The following RNF213 variants were observed in gnomAD, a reference collection of about 807,000 sequenced individuals.
RNF213 encodes E3 ubiquitin-protein ligase RNF213.
Under a neutral mutation model 514.4 loss-of-function variants are expected in RNF213, and 341 were observed. That is an observed-to-expected ratio of 0.66 (90% confidence interval 0.61 to 0.73). RNF213 has a LOEUF of 0.73. Among genes scored for constraint, RNF213 ranks in the 30% least tolerant of loss-of-function variants. The pLI, the probability that RNF213 is intolerant of heterozygous loss-of-function variation, is 0.00. For missense variants in RNF213, 5,767 were observed against 6,615.6 expected, an observed-to-expected ratio of 0.87 and a Z score of 4.45; for synonymous variants, 2,655 against 2,658.2, an observed-to-expected ratio of 1.00 and a Z score of 0.04.
intron 39 of RNF213, 93 bp downstream of exon 39, chr17:80,361,981 G>A: frequency 6.9e-7 from 1 of 1,441,752 alleles, no homozygotes; most frequent in Non-Finnish European, 9.6e-7. Context: ...GCTGCCTGGA[G>A]CTGGTGCTGT....
At position 80,371,958 on chromosome 17, in the gene RNF213, G is replaced by A. The variant is rs2079534399; in HGVS notation, c.12510G>A (p.Leu4170=). The change falls in exon 47 of 68, where the codon CTG becomes CTA. Residue 4170 remains leucine, a synonymous_variant. Coordinates refer to ENST00000582970, the MANE Select transcript of RNF213 (RefSeq NM_001256071.3). The part of the protein sequence containing the change: ...KAFITEDKTE[L]YMLFINCLED... ...TCATAACTGAAGATAAAACTGAACT[G>A]TACATGCTCTTCATCAACTGCCTGG... The A allele has an allele frequency of 3.8e-6, 6 of 1,592,614 alleles. No homozygotes were observed. The highest frequency in any genetic ancestry group is 5.2e-6 in the Non-Finnish European group (6 of 1,160,542).
At chr17:80,381,914 A>G in intron 57 of RNF213, 187 bp downstream of exon 57, 2 of 645,304 alleles carry the variant, frequency 3.1e-6, no homozygotes, top group Non-Finnish European at 5.4e-6. Flanking sequence ...GGCTGGAAAA[A>G]GGAAGCACTC....
rs1222279381 is a variant in RNF213, at chr17:80,397,409, T to C, written c.*3911T>C. On this transcript the variant is annotated 3_prime_UTR_variant, in exon 68 of 68. Transcript: ENST00000582970. ...AGAAGTAAAAACTAAAAGGCAGAAATGAAATCCACAAGCAGACAGCCTGCA... is the reference window on the plus strand; with the variant it reads ...AGAAGTAAAAACTAAAAGGCAGAAACGAAATCCACAAGCAGACAGCCTGCA... 6.6e-6 allele frequency: 1 copy of C among 151,960 alleles called. No homozygotes were observed. The highest frequency in any genetic ancestry group is 1.5e-5 in the Non-Finnish European group (1 of 68,004). 9.4% of individuals were successfully genotyped at this position (151,960 alleles called of 1,614,324 possible).
Position 80,360,178 on chromosome 17 carries a change from C to T in RNF213, c.11172C>T (p.Val3724=), listed in dbSNP as rs138278085. ...AGGACTATCTGGAGGAGCTGTGGGTCCAGGCTCAGTACATCACAGACGCAG... is the reference window on the plus strand; with the variant it reads ...AGGACTATCTGGAGGAGCTGTGGGTTCAGGCTCAGTACATCACAGACGCAG... ...KIKDYLEELW[V]QAQYITDAEG... The change falls in exon 38 of 68, where the codon GTC becomes GTT. Residue 3724 remains valine (V), a synonymous_variant. Transcript: ENST00000582970. 31 of 1,613,706 alleles carry T rather than the reference C, an allele frequency of 1.9e-5. No homozygotes were observed. The highest frequency in any genetic ancestry group is 2.7e-5 in the African/African-American group (2 of 74,922).
intron 17 of RNF213, among the ~76,000 whole-genome samples, chr17:80,322,537 C>G (rs1181158848): frequency 6.6e-6 from 1 of 151,876 alleles, no homozygotes; most frequent in Non-Finnish European, 1.5e-5. Flanking sequence ...GATTGTGCCA[C>G]TGCACTCCGG....
At chr17:80,324,773 T>C (rs1259660807) in intron 17 of RNF213, among the ~76,000 whole-genome samples, 4 of 151,382 alleles carry the variant, frequency 2.6e-5, no homozygotes, top group Non-Finnish European at 4.4e-5. Context: ...GGAAGGAGGG[T>C]GACTGGTTAT....
At position 80,295,538 on chromosome 17, in the gene RNF213, C is replaced by T. The variant is rs776212797; in HGVS notation, c.1756-19C>T. 5 of 1,613,868 alleles carry T rather than the reference C, an allele frequency of 3.1e-6. No individual in the cohort carries two copies. The Admixed American group carries it at 8.3e-5, about 27-fold the overall frequency. On this transcript the variant is annotated intron_variant, in intron 9 of 67. Transcript: ENST00000582970. ...TTCAAGTCCATGGTTCATGCATCTT[C>T]CTCTTCTCCCACCATCAGGTGAAGA...
chr17:80,289,870 C>T, intron 6 of RNF213, 33 bp downstream of exon 6: 1 of 1,585,496 alleles, frequency 6.3e-7, no homozygotes, highest in Non-Finnish European at 8.6e-7. Context: ...GCAAAGGAGA[C>T]CCTGCCTGAG....
intron 16 of RNF213, 133 bp from the exon 17 acceptor site, chr17:80,319,057 C>T (rs1407551210): frequency 5.7e-6 from 9 of 1,590,784 alleles, no homozygotes; most frequent in East Asian, 2.2e-5. Context: ...TTTGCGTGGG[C>T]CAGGAGAAGC....
Position 80,371,957 on chromosome 17 carries a change from T to A in RNF213, c.12509T>A (p.Leu4170Gln), listed in dbSNP as rs1174473780. The A allele has an allele frequency of 6.3e-7, 1 of 1,593,692 alleles. No homozygotes were observed. The highest frequency in any genetic ancestry group is 8.6e-7 in the Non-Finnish European group (1 of 1,161,352). Residue 4170 changes from leucine (L) to glutamine (Q), a missense_variant, in exon 47 of 68, where the codon CTG becomes CAG. This residue lies in a region of RNF213 where 1,245 missense variants were observed against 1,339.0 expected (regional missense o/e 0.93). Transcript: ENST00000582970. ...KAFITEDKTE[L>Q]YMLFINCLED... ...TTCATAACTGAAGATAAAACTGAACTGTACATGCTCTTCATCAACTGCCTG... is the reference window on the plus strand; with the variant it reads ...TTCATAACTGAAGATAAAACTGAACAGTACATGCTCTTCATCAACTGCCTG...
Position 80,343,747 on chromosome 17 carries a change from T to A in RNF213, c.6184-110T>A. ...GCCGTTGTTGGCTGAAATGTTGATG[T>A]TGATCATCAGGATCATCGTGACAAA... On this transcript the variant is annotated intron_variant, in intron 27 of 67. Transcript: ENST00000582970. The surrounding 1 kb of genome is among the most constrained non-coding windows in gnomAD (Gnocchi z 4.3). 1 of 1,132,220 alleles carries A rather than the reference T, an allele frequency of 8.8e-7. No homozygotes were observed. Among genetic ancestry groups the A allele is most frequent in the Admixed American group, 1.7e-5 (1 of 59,162 alleles). The allele number at this position is 1,132,220 out of a possible 1,614,324, so 70.1% of individuals were successfully genotyped here.
intron 3 of RNF213, among the ~76,000 whole-genome samples, chr17:80,280,392 C>T (rs2044216682): frequency 6.6e-6 from 1 of 152,168 alleles, no homozygotes; most frequent in Admixed American, 6.5e-5. Context: ...CAGAATGACA[C>T]GGGAACTTAA....
intron 22 of RNF213, 121 bp from the exon 23 acceptor site, chr17:80,336,040 G>A (rs1746934211): frequency 3.7e-6 from 3 of 800,544 alleles, no homozygotes. Context: ...GCAGAAAGTG[G>A]ACAGAACCTT....
intron 15 of RNF213, 108 bp downstream of exon 15, chr17:80,313,275 C>G (rs2045633485): frequency 7.2e-7 from 1 of 1,386,352 alleles, no homozygotes; most frequent in Admixed American, 1.7e-5. Context: ...TGTTGGCCTT[C>G]ACCTGAGCCT....
At position 80,319,324 on chromosome 17, in the gene RNF213, C is replaced by G; in HGVS notation, c.3024+12C>G. On this transcript the variant is annotated intron_variant, in intron 17 of 67. Coordinates refer to ENST00000582970, the MANE Select transcript of RNF213 (RefSeq NM_001256071.3). The stretch of plus-strand genomic sequence containing the variant: ...GCTCAGCCTGCCAGGTGAACAATCT[C>G]TCCTCCTGGGAAACGGATTCGGGCT... 6.2e-7 allele frequency: 1 copy of G among 1,614,198 alleles called. No individual in the cohort carries two copies. Among genetic ancestry groups the G allele is most frequent in the Non-Finnish European group, 8.5e-7 (1 of 1,180,030 alleles).
chr17:80,347,584 C>T lies in RNF213; in HGVS notation c.9249C>T (p.Leu3083=), dbSNP rs1439554205. The T allele has an allele frequency of 1.2e-6, 2 of 1,614,056 alleles. No homozygotes were observed. The highest frequency in any genetic ancestry group is 2.7e-5 in the African/African-American group (2 of 74,944). Residue 3083 remains leucine (L), a synonymous_variant, in exon 29 of 68, where the codon CTC becomes CTT. Coordinates refer to ENST00000582970, the MANE Select transcript of RNF213 (RefSeq NM_001256071.3). The surrounding 1 kb of genome is among the most constrained non-coding windows in gnomAD (Gnocchi z 7.2). The stretch of plus-strand genomic sequence containing the variant: ...CCAAGGACCAAGAGTACACCCAGCT[C>T]TGCAGAAACATCAATCGTGTGAAGA... ...GFPKDQEYTQ[L]CRNINRVKIC... is the part of the protein sequence containing the mutation.
chr17:80,369,284 G>A (rs1489996984), intron 44 of RNF213, among the ~76,000 whole-genome samples: 1 of 152,054 alleles, frequency 6.6e-6, no homozygotes, highest in Non-Finnish European at 1.5e-5. Context: ...TGTAATCCCA[G>A]CTACTTGGGA....
At position 80,363,647 on chromosome 17, in the gene RNF213, G is replaced by A. The variant is rs371464599; in HGVS notation, c.11607G>A (p.Met3869Ile). ...TTGCCGCAATGGCCTGCACGGAGAT[G>A]CTGACAAGAAACACCCTGAAGCCCA... ...DAFAAMACTE[M>I]LTRNTLKPSP... Residue 3869 changes from methionine to isoleucine, a missense_variant, in exon 41 of 68, where the codon ATG becomes ATA. Met to Ile is a conservative substitution (Grantham distance 10). This residue lies in a region of RNF213 where 355 missense variants were observed against 358.0 expected (regional missense o/e 0.99). Transcript: ENST00000582970. 6.2e-7 allele frequency: 1 copy of A among 1,613,968 alleles called. No homozygotes were observed.
At position 80,298,954 on chromosome 17, in the gene RNF213, G is replaced by C. The variant is rs143355634; in HGVS notation, c.2210+436G>C. Reference sequence around the variant, plus strand: ...GGATCATGCTACTGCACTGTAGCTTGGGCGACAGAGCGAGACTCTGTCTAA... The same window carrying C: ...GGATCATGCTACTGCACTGTAGCTTCGGCGACAGAGCGAGACTCTGTCTAA... On this transcript the variant is annotated intron_variant, in intron 11 of 67. Coordinates refer to ENST00000582970, the MANE Select transcript of RNF213 (RefSeq NM_001256071.3). Among the ~76,000 whole-genome samples, 1,181 of 152,282 alleles carry C rather than the reference G, an allele frequency of 7.8e-3. 17 individuals are homozygous for C. Among genetic ancestry groups the C allele is most frequent in the African/African-American group, 0.027 (1,135 of 41,558 alleles).
Sources: allele counts gnomAD v4.1 joint callset (sites outside exome capture counted in the v4.1 genomes callset), GRCh38; gene constraint gnomAD v4.1.1; regional missense constraint gnomAD v4.1.1; non-coding constraint Gnocchi (gnomAD v3.1); transcripts MANE v1.5; gene names NCBI Gene and HGNC (gene_info 2026-07-23, HGNC 2026-07-21).